TESK1: variants seen among roughly 807,000 people sequenced by gnomAD.
TESK1 encodes testis associated actin remodelling kinase 1.
Under a neutral mutation model 59.9 loss-of-function variants are expected in TESK1, and 18 were observed. The ratio of observed to expected loss-of-function variants is 0.30; its 90% CI spans 0.21 to 0.45. The LOEUF is 0.45. Ranked by LOEUF, TESK1 falls within the 20% of genes least tolerant of loss-of-function variation. The pLI is 1.00. For synonymous variants in TESK1, 341 were observed against 357.4 expected, an observed-to-expected ratio of 0.95 and a Z score of 0.52; for missense variants, 748 against 840.9, an observed-to-expected ratio of 0.89 and a Z score of 1.37.
chr9:35,606,193 G>A (rs1347058440), intron 2 of TESK1, 44 bp from the exon 3 acceptor site: 2 of 1,614,084 alleles, frequency 1.2e-6, no homozygotes, highest in African/African-American at 1.3e-5. Context: ...GAGGAGCTGA[G>A]GCCTTTAATA....
rs775307644 is a variant in TESK1, at chr9:35,609,598, C to T, written c.1737C>T (p.Gly579=). 1.2e-6 allele frequency: 2 copies of T among 1,612,914 alleles called. No individual in the cohort carries two copies. The highest frequency in any genetic ancestry group is 2.2e-5 in the East Asian group (1 of 44,882). The change falls in exon 10 of 10, where the codon GGC becomes GGT. Residue 579 remains glycine, a synonymous_variant. Coordinates refer to ENST00000336395, the MANE Select transcript of TESK1 (RefSeq NM_006285.3). This position sits in a 1 kb window ranked among gnomAD's most constrained non-coding sequence, Gnocchi z 6.7. ...GCTGCCTCGGCCCCTTCAGCTTTGG[C>T]TTCCTGTCCATGTGCCCCCGCCCCA... ...PGCCLGPFSF[G]FLSMCPRPTP...
intron 3 of TESK1, 58 bp from the exon 4 acceptor site, chr9:35,606,779 G>T: frequency 5.9e-6 from 9 of 1,525,708 alleles, no homozygotes; most frequent in Admixed American, 1.9e-5. Context: ...TGTAAGTGGG[G>T]GACCTAGAAT....
At position 35,609,762 on chromosome 9, in the gene TESK1, A is replaced by G; in HGVS notation, c.*20A>G. 1.9e-6 allele frequency: 3 copies of G among 1,546,968 alleles called. No individual in the cohort carries two copies. Among genetic ancestry groups the G allele is most frequent in the African/African-American group, 1.4e-5 (1 of 73,882 alleles). On this transcript the variant is annotated 3_prime_UTR_variant, in exon 10 of 10. Coordinates refer to ENST00000336395, the MANE Select transcript of TESK1 (RefSeq NM_006285.3). This position sits in a 1 kb window ranked among gnomAD's most constrained non-coding sequence, Gnocchi z 6.7. Reference sequence around the variant, plus strand: ...TCTTAGCAGTGGAGCCCGTGGTCTCAGGCCTCCAACTTTGGCCTTCAGGAC... The same window carrying G: ...TCTTAGCAGTGGAGCCCGTGGTCTCGGGCCTCCAACTTTGGCCTTCAGGAC...
Position 35,607,484 on chromosome 9 carries a change from T to G in TESK1, c.620+75T>G, listed in dbSNP as rs1444008997. ...TGATGTCCCCAGAGCCCCAGGGATGTTTCCCTTGGGGAACGGAGGGAGTTC... is the reference window on the plus strand; with the variant it reads ...TGATGTCCCCAGAGCCCCAGGGATGGTTCCCTTGGGGAACGGAGGGAGTTC... On this transcript the variant is annotated intron_variant, in intron 5 of 9. Transcript: ENST00000336395. This position sits in a 1 kb window ranked among gnomAD's most constrained non-coding sequence, Gnocchi z 4.5. 1.3e-6 allele frequency: 2 copies of G among 1,587,266 alleles called. No homozygotes were observed. The highest frequency in any genetic ancestry group is 2.7e-5 in the African/African-American group (2 of 74,332).
At chr9:35,606,800 G>A (rs767584569) in intron 3 of TESK1, 37 bp from the exon 4 acceptor site, 3 of 1,563,414 alleles carry the variant, frequency 1.9e-6, no homozygotes, top group Non-Finnish European at 2.6e-6. Context: ...ACAGACTGAA[G>A]TCTGACATCT....
Position 35,606,935 on chromosome 9 carries a change from G to T in TESK1, c.489G>T (p.Leu163=), listed in dbSNP as rs757505115. The T allele has an allele frequency of 5.0e-6, 8 of 1,613,266 alleles. No individual in the cohort carries two copies. In the East Asian group the frequency reaches 1.8e-4, roughly 36 times the overall value. The change falls in exon 4 of 10, where the codon CTG becomes CTT. Residue 163 remains leucine (L), a synonymous_variant. Transcript: ENST00000336395. ...TGGCCCTGGACATTGCCCGAGGCCT[G>T]CGGTACCTGCACTCCAAAGGTGTAT... ...LHLALDIARG[L]RYLHSKGVFH... is the part of the protein sequence containing the mutation.
rs774653044 is a variant in TESK1, at chr9:35,605,722, C to T, written c.103C>T (p.Arg35Trp). Reference protein sequence around the residue: ...GPGGTGGGPGRGRPSSYRALR... With the variant: ...GPGGTGGGPGWGRPSSYRALR... ...GGGGGGCACGGGCGGAGGCCCGGGC[C>T]GGGGCCGCCCCTCCTCCTACCGGGC... The change falls in exon 1 of 10, where the codon CGG (arginine) becomes TGG (tryptophan). Residue 35 changes from arginine to tryptophan, a missense_variant. By Grantham distance (101) the Arg-to-Trp change is moderately radical. This residue lies in a region of TESK1 where 133 missense variants were observed against 117.4 expected (regional missense o/e 1.13). Transcript: ENST00000336395. The T allele has an allele frequency of 6.4e-7, 1 of 1,565,362 alleles. No individual in the cohort carries two copies.
In TESK1 at chr9:35,609,457, G is replaced by A. The variant is rs926332974; in HGVS notation, c.1596G>A (p.Glu532=). 1.9e-6 allele frequency: 3 copies of A among 1,607,006 alleles called. No homozygotes were observed. The highest frequency in any genetic ancestry group is 2.6e-6 in the Non-Finnish European group (3 of 1,176,198). Residue 532 remains glutamate (E), a synonymous_variant, in exon 10 of 10, where the codon GAG becomes GAA. Transcript: ENST00000336395. This position sits in a 1 kb window ranked among gnomAD's most constrained non-coding sequence, Gnocchi z 6.7. ...VVNSPQGWAG[E]PWNRAQHSLP... ...ACTCCCCACAAGGCTGGGCTGGGGA[G>A]CCCTGGAACCGGGCCCAGCATAGCC...
rs769581228 is a variant in TESK1, at chr9:35,609,771, A to G, written c.*29A>G. ...TGGAGCCCGTGGTCTCAGGCCTCCA[A>G]CTTTGGCCTTCAGGACACCCTGTAA... On this transcript the variant is annotated 3_prime_UTR_variant, in exon 10 of 10. Transcript: ENST00000336395. This position sits in a 1 kb window ranked among gnomAD's most constrained non-coding sequence, Gnocchi z 6.7. 1.3e-6 allele frequency: 2 copies of G among 1,529,304 alleles called. No individual in the cohort carries two copies. The highest frequency in any genetic ancestry group is 1.4e-5 in the African/African-American group (1 of 73,294). 94.7% of individuals were successfully genotyped at this position (1,529,304 alleles called of 1,614,324 possible).
At chr9:35,608,589 C>A in intron 9 of TESK1, 80 bp downstream of exon 9, 5 of 1,206,990 alleles carry the variant, frequency 4.1e-6, no homozygotes, top group African/African-American at 1.5e-5. Flanking sequence ...ATGGGGGAGG[C>A]TAAGTATATT....
Position 35,609,520 on chromosome 9 carries a change from G to A in TESK1, c.1659G>A (p.Ser553=), listed in dbSNP as rs55887205. The part of the protein sequence containing the change: ...RAAALERTEP[S]PPPSAPREPD... ...CAGCCCTGGAGCGGACAGAACCCTC[G>A]CCACCCCCTTCAGCTCCCCGGGAGC... Residue 553 remains serine (S), a synonymous_variant, in exon 10 of 10, where the codon TCG becomes TCA. Transcript: ENST00000336395. This position sits in a 1 kb window ranked among gnomAD's most constrained non-coding sequence, Gnocchi z 6.7. The A allele has an allele frequency of 9.8e-4, 1,574 of 1,610,192 alleles. 2 individuals carry two copies. Among genetic ancestry groups the A allele is most frequent in the Non-Finnish European group, 1.3e-3 (1,480 of 1,177,912 alleles).
At position 35,608,321 on chromosome 9, in the gene TESK1, C is replaced by A. The variant is rs914890859; in HGVS notation, c.885+72C>A. 2.2e-5 allele frequency: 35 copies of A among 1,608,690 alleles called. No homozygotes were observed. The African/African-American group carries it at 4.3e-4, about 20-fold the overall frequency. Reference sequence around the variant, plus strand: ...AGCTGCCATGGCTGCCCTGTGGGACCCAGGTGATGGGAGGAAACTCAGAGA... The same window carrying A: ...AGCTGCCATGGCTGCCCTGTGGGACACAGGTGATGGGAGGAAACTCAGAGA... On this transcript the variant is annotated intron_variant, in intron 8 of 9. Coordinates refer to ENST00000336395, the MANE Select transcript of TESK1 (RefSeq NM_006285.3).
At position 35,605,717 on chromosome 9, in the gene TESK1, C is replaced by T. The variant is rs771154314; in HGVS notation, c.98C>T (p.Pro33Leu). ...PPGPGGTGGG[P>L]GRGRPSSYRA... ...GGGCCGGGGGGCACGGGCGGAGGCC[C>T]GGGCCGGGGCCGCCCCTCCTCCTAC... is the stretch of plus-strand genomic sequence containing the variant. The change falls in exon 1 of 10, where the codon CCG (proline) becomes CTG (leucine). Residue 33 changes from proline to leucine, a missense_variant. Around this residue, in one of 3 missense-constraint regions of TESK1, gnomAD observed 133 missense variants for 117.4 expected, o/e 1.13. Transcript: ENST00000336395. 2.6e-6 allele frequency: 4 copies of T among 1,552,946 alleles called. No individual in the cohort carries two copies. The highest frequency in any genetic ancestry group is 1.2e-5 in the South Asian group (1 of 85,920).
In TESK1 at chr9:35,609,486, C is replaced by T; in HGVS notation, c.1625C>T (p.Pro542Leu). Residue 542 changes from proline to leucine, a missense_variant, in exon 10 of 10, where the codon CCC becomes CTC. Around this residue, in one of 3 missense-constraint regions of TESK1, gnomAD observed 447 missense variants for 466.1 expected, o/e 0.96. Coordinates refer to ENST00000336395, the MANE Select transcript of TESK1 (RefSeq NM_006285.3). The surrounding 1 kb of genome is among the most constrained non-coding windows in gnomAD (Gnocchi z 6.7). ...TGGAACCGGGCCCAGCATAGCCTGC[C>T]CCGGGCGGCAGCCCTGGAGCGGACA... ...EPWNRAQHSL[P>L]RAAALERTEP... 1 of 1,604,786 alleles carries T rather than the reference C, an allele frequency of 6.2e-7. No individual in the cohort carries two copies. Among genetic ancestry groups the T allele is most frequent in the African/African-American group, 1.3e-5 (1 of 74,904 alleles).
In TESK1 at chr9:35,607,748, CA is replaced by C; in HGVS notation, c.711+80del. On this transcript the variant is annotated intron_variant, in intron 6 of 9. Transcript: ENST00000336395. This position sits in a 1 kb window ranked among gnomAD's most constrained non-coding sequence, Gnocchi z 4.5. ...ATTCTCATAAAGCCCCATCCATCCC[CA>C]AAACAACCCTACCAGATCTTCAGGA... 7.2e-7 allele frequency: 1 copy of C among 1,395,526 alleles called. No homozygotes were observed. The highest frequency in any genetic ancestry group is 1.0e-6 in the Non-Finnish European group (1 of 996,676). 86.4% of individuals were successfully genotyped at this position (1,395,526 alleles called of 1,614,324 possible).
rs1822840034 is a variant in TESK1, at chr9:35,605,974, C to T, written c.220-10C>T. ...CCTGCCCGGCCCTCGCCGGCTGCTC[C>T]TGCCCCCAGGTTCGGCACCGACAGT... On this transcript the variant is annotated splice_polypyrimidine_tract_variant and intron_variant, in intron 1 of 9. Transcript: ENST00000336395. The T allele has an allele frequency of 6.2e-7, 1 of 1,613,508 alleles. No individual in the cohort carries two copies. The highest frequency in any genetic ancestry group is 1.3e-5 in the African/African-American group (1 of 75,056).
Position 35,607,984 on chromosome 9 carries a change from A to G in TESK1, c.768A>G (p.Ala256=). 1 of 1,614,196 alleles carries G rather than the reference A, an allele frequency of 6.2e-7. No individual in the cohort carries two copies. The highest frequency in any genetic ancestry group is 8.5e-7 in the Non-Finnish European group (1 of 1,180,044). ...GTGAGCTCATCGCCCGAGTACCTGC[A>G]GACCCTGACTACCTACCACGCACTG... ...VLCELIARVP[A]DPDYLPRTED... The change falls in exon 7 of 10, where the codon GCA becomes GCG. Residue 256 remains alanine, a synonymous_variant. Coordinates refer to ENST00000336395, the MANE Select transcript of TESK1 (RefSeq NM_006285.3). The surrounding 1 kb of genome is among the most constrained non-coding windows in gnomAD (Gnocchi z 4.5).
At chr9:35,606,685 C>T (rs1822855537) in intron 3 of TESK1, 152 bp from the exon 4 acceptor site, 7 of 683,158 alleles carry the variant, frequency 1.0e-5, no homozygotes. Context: ...TTGAACGGGG[C>T]AATCCTAGAA....
intron 9 of TESK1, 31 bp downstream of exon 9, chr9:35,608,540 G>T (rs371700841): frequency 6.3e-7 from 1 of 1,597,310 alleles, no homozygotes. Context: ...TCCAGCTTGA[G>T]TCCTTTGGCC....
Sources: allele counts gnomAD v4.1 joint callset, GRCh38; gene constraint gnomAD v4.1.1; regional missense constraint gnomAD v4.1.1; non-coding constraint Gnocchi (gnomAD v3.1); transcripts MANE v1.5; gene names NCBI Gene and HGNC (gene_info 2026-07-23, HGNC 2026-07-21).